Variants in PTPRT observed in about 807,000 individuals in gnomAD.
The protein encoded by PTPRT is receptor-type tyrosine-protein phosphatase T.
A neutral mutation model predicts 176.8 loss-of-function variants in PTPRT; 56 were observed. The ratio of observed to expected loss-of-function variants is 0.32; its 90% CI spans 0.26 to 0.40. The LOEUF (loss-of-function observed/expected upper bound fraction) is 0.40. PTPRT is among the 10% of genes least tolerant of loss of function. The probability of loss-of-function intolerance (pLI) is 1.00; values close to 1 mark genes in which losing one functional copy is unlikely to be tolerated. For missense variants in PTPRT, 1,540 were observed against 1,908.2 expected (o/e 0.81, Z 3.60); for synonymous variants, 783 against 739.0 (o/e 1.06, Z -0.96).
intron 1 of PTPRT, among the ~76,000 whole-genome samples, chr20:43,066,393 C>T (rs1242230573): frequency 2.0e-5 from 3 of 152,152 alleles, no homozygotes; most frequent in Non-Finnish European, 2.9e-5. Context: ...TCTTTCCTTC[C>T]GTCTTTTAAA....
At chr20:42,180,351 G>T (rs763973444) in intron 16 of PTPRT, among the ~76,000 whole-genome samples, 1 of 152,140 alleles carries the variant, frequency 6.6e-6, no homozygotes, top group South Asian at 2.1e-4. Context: ...GCTCACATCT[G>T]TTACCTTTTT....
chr20:42,337,475 A>C (rs1030626091), intron 11 of PTPRT, among the ~76,000 whole-genome samples: 7 of 152,132 alleles, frequency 4.6e-5, no homozygotes, highest in Non-Finnish European at 1.0e-4. Flanking sequence ...GTGTACAGTC[A>C]ATGAAAGGAT....
intron 6 of PTPRT, among the ~76,000 whole-genome samples, chr20:42,734,418 C>T (rs1325187465): frequency 6.6e-6 from 1 of 152,176 alleles, no homozygotes; most frequent in South Asian, 2.1e-4. Context: ...CCTTCTTATC[C>T]AAATCCAATA....
intron 1 of PTPRT, among the ~76,000 whole-genome samples, chr20:42,917,985 G>A (rs1023000658): frequency 1.8e-4 from 27 of 152,090 alleles, no homozygotes; most frequent in African/African-American, 6.0e-4. Flanking sequence ...TAGCGGTCGC[G>A]TGTCCCAGAG....
chr20:42,954,545 C>A (rs1161508420), intron 1 of PTPRT, among the ~76,000 whole-genome samples: 2 of 152,188 alleles, frequency 1.3e-5, no homozygotes, highest in Non-Finnish European at 2.9e-5. Context: ...GCAAGCACAG[C>A]ATGTTATCCA....
rs1160691294 is a variant in PTPRT, at chr20:42,755,634, T to C, written c.859+828A>G. Among the ~76,000 whole-genome samples, 4 of 152,000 alleles carry C rather than the reference T, an allele frequency of 2.6e-5. No individual in the cohort carries two copies. In the East Asian group the frequency reaches 5.8e-4, roughly 22 times the overall value. ...AGAAAAATCCATAAAGATGCTCATA[T>C]TCTTGGCCTCCCAACTCTACCCCCA... On this transcript the variant is annotated intron_variant, in intron 6 of 30. Transcript: ENST00000373187.
intron 7 of PTPRT, among the ~76,000 whole-genome samples, chr20:42,677,536 C>T (rs755244507): frequency 1.1e-4 from 17 of 152,034 alleles, no homozygotes; most frequent in Non-Finnish European, 2.2e-4. Context: ...CAAATGGCAC[C>T]AGGAGTTCTG....
intron 2 of PTPRT, among the ~76,000 whole-genome samples, chr20:42,812,960 T>A (rs1182640580): frequency 6.6e-6 from 1 of 152,200 alleles, no homozygotes; most frequent in East Asian, 1.9e-4. Flanking sequence ...TATTGTAGAA[T>A]AAATTGCTTT....
intron 1 of PTPRT, among the ~76,000 whole-genome samples, chr20:43,000,352 AAG>A (rs1984495277): frequency 6.6e-6 from 1 of 152,196 alleles, no homozygotes; most frequent in Non-Finnish European, 1.5e-5. Context: ...AAACGAGTTA[AAG>A]AAAAAAAAAG....
At chr20:42,171,762 A>G (rs1223268360) in intron 16 of PTPRT, among the ~76,000 whole-genome samples, 1 of 152,176 alleles carries the variant, frequency 6.6e-6, no homozygotes, top group Non-Finnish European at 1.5e-5. Flanking sequence ...AGCACCTGCC[A>G]ACATAGAAAT....
intron 7 of PTPRT, among the ~76,000 whole-genome samples, chr20:42,597,953 C>T (rs889821726): frequency 2.0e-5 from 3 of 152,158 alleles, no homozygotes; most frequent in Non-Finnish European, 4.4e-5. Flanking sequence ...ATAGTAATCT[C>T]ACTTGTAGGA....
chr20:42,992,242 T>C (rs1486786640), intron 1 of PTPRT, among the ~76,000 whole-genome samples: 1 of 152,198 alleles, frequency 6.6e-6, no homozygotes, highest in Non-Finnish European at 1.5e-5. Context: ...GAGAAAGAAC[T>C]TGAGGTCTGG....
In PTPRT at chr20:42,417,013, A is replaced by G. The variant is rs941623595; in HGVS notation, c.1560+31207T>C. 1.2e-4 allele frequency among the ~76,000 whole-genome samples: 19 copies of G among 152,128 alleles called. 1 individual carries two copies. The highest frequency in any genetic ancestry group is 4.6e-4 in the African/African-American group (19 of 41,426). On this transcript the variant is annotated intron_variant, in intron 9 of 30. Coordinates refer to ENST00000373187, the MANE Select transcript of PTPRT (RefSeq NM_007050.6). Reference sequence around the variant, plus strand: ...GGTGTTTGTGCTATAGTAAAAATGGAAACAAAAAAGGCACCAAAGCCTACA... The same window carrying G: ...GGTGTTTGTGCTATAGTAAAAATGGGAACAAAAAAGGCACCAAAGCCTACA...
intron 8 of PTPRT, among the ~76,000 whole-genome samples, chr20:42,466,452 T>A (rs1202489630): frequency 6.6e-6 from 1 of 152,208 alleles, no homozygotes; most frequent in Non-Finnish European, 1.5e-5. Context: ...TTGAACATAG[T>A]ATTCTCACTG....
chr20:42,754,498 C>T (rs942015998), intron 6 of PTPRT, among the ~76,000 whole-genome samples: 8 of 152,022 alleles, frequency 5.3e-5, no homozygotes, highest in African/African-American at 1.7e-4. Flanking sequence ...AGGCTGGTCT[C>T]GAACTCCTGG....
At chr20:42,844,551 A>C (rs2078335237) in intron 2 of PTPRT, among the ~76,000 whole-genome samples, 1 of 152,098 alleles carries the variant, frequency 6.6e-6, no homozygotes, top group African/African-American at 2.4e-5. Flanking sequence ...TCAAAAAAAC[A>C]ATTTGGTTAC....
At chr20:42,501,538 C>T (rs1410087737) in intron 7 of PTPRT, among the ~76,000 whole-genome samples, 1 of 152,150 alleles carries the variant, frequency 6.6e-6, no homozygotes. Context: ...CAACCCTTCT[C>T]TTCCGCCTGC....
intron 1 of PTPRT, among the ~76,000 whole-genome samples, chr20:43,083,338 A>ACG (rs2011501051): frequency 5.3e-5 from 6 of 112,742 alleles, no homozygotes; most frequent in Non-Finnish European, 1.1e-4. Context: ...ATATATATAT[A>ACG]TATATATATA....
chr20:42,425,628 C>CATAACTATGTGAGTT (rs2059156360), intron 9 of PTPRT, among the ~76,000 whole-genome samples: 1 of 152,108 alleles, frequency 6.6e-6, no homozygotes, highest in Non-Finnish European at 1.5e-5. Context: ...GTCCTCTCAC[C>CATAACTATGTGAGTT]ATGAACAACA....
Sources: allele counts gnomAD v4.1 joint callset (sites outside exome capture counted in the v4.1 genomes callset), GRCh38; gene constraint gnomAD v4.1.1; transcripts MANE v1.5; gene names NCBI Gene and HGNC (gene_info 2026-07-23, HGNC 2026-07-21).